The following RAB28 variants were observed in gnomAD, a reference collection of about 807,000 sequenced individuals.
RAB28 encodes RAB28, member RAS oncogene family, also known as ras-related protein Rab-28.
Under a neutral mutation model 31.7 loss-of-function variants are expected in RAB28, and 24 were observed. The observed-to-expected ratio is 0.76, with a 90% confidence interval of 0.55 to 1.06. The LOEUF is 1.06. Ranked by LOEUF, RAB28 falls within the 50% of genes least tolerant of loss-of-function variation. The probability of loss-of-function intolerance (pLI) is 0.00; values close to 1 mark genes in which losing one functional copy is unlikely to be tolerated. For missense variants in RAB28, 254 were observed against 258.5 expected, an observed-to-expected ratio of 0.98 and a Z score of 0.12; for synonymous variants, 100 against 90.4, an observed-to-expected ratio of 1.11 and a Z score of -0.60.
chr4:13,462,329 C>T (rs993851408), intron 3 of RAB28, among the ~76,000 whole-genome samples: 9 of 152,158 alleles, frequency 5.9e-5, no homozygotes, highest in African/African-American at 2.2e-4. Flanking sequence ...CATTATAAAA[C>T]ATTTCCACCA....
chr4:13,450,575 G>C (rs1714915672), intron 4 of RAB28, among the ~76,000 whole-genome samples: 1 of 151,876 alleles, frequency 6.6e-6, no homozygotes, highest in Non-Finnish European at 1.5e-5. Context: ...ATTAGTTAAA[G>C]CACTGTTGTA....
At chr4:13,371,766 A>G in intron 6 of RAB28, 1 of 1,547,026 alleles carries the variant, frequency 6.5e-7, no homozygotes, top group Non-Finnish European at 8.7e-7. Context: ...TGATGTTTTT[A>G]GAGAAAATGT....
At chr4:13,483,917 G>A (rs1716739910) in intron 1 of RAB28, among the ~76,000 whole-genome samples, 159 bp downstream of exon 1, 1 of 152,170 alleles carries the variant, frequency 6.6e-6, no homozygotes, top group South Asian at 2.1e-4. Context: ...TTCACCAAGC[G>A]CCCACTTCGT....
At chr4:13,416,535 GA>G (rs1227768041) in intron 4 of RAB28, among the ~76,000 whole-genome samples, 1 of 152,148 alleles carries the variant, frequency 6.6e-6, no homozygotes, top group Non-Finnish European at 1.5e-5. Flanking sequence ...TAAGAGAATA[GA>G]AATACAGAGA....
At chr4:13,411,034 A>G (rs1459655297) in intron 4 of RAB28, among the ~76,000 whole-genome samples, 3 of 152,154 alleles carry the variant, frequency 2.0e-5, no homozygotes, top group Non-Finnish European at 4.4e-5. Context: ...AAAAGATCCA[A>G]ACAACATGAT....
intron 3 of RAB28, among the ~76,000 whole-genome samples, chr4:13,472,647 T>C (rs1238134930): frequency 6.6e-6 from 1 of 151,912 alleles, no homozygotes; most frequent in African/African-American, 2.4e-5. Context: ...TTAGATCTAA[T>C]CTTCATTTTC....
intron 4 of RAB28, among the ~76,000 whole-genome samples, chr4:13,451,115 G>A (rs1300264178): frequency 1.3e-5 from 2 of 151,770 alleles, no homozygotes; most frequent in African/African-American, 2.4e-5. Context: ...AGAAGCTACT[G>A]TTGTAGTTTA....
chr4:13,385,274 A>G (rs1236234978), intron 4 of RAB28, among the ~76,000 whole-genome samples: 3 of 152,328 alleles, frequency 2.0e-5, no homozygotes, highest in Middle Eastern at 3.4e-3. Context: ...ATTGGAACAC[A>G]TATTTCAAGA....
intron 3 of RAB28, chr4:13,473,862 A>G (rs1403011949): frequency 2.7e-6 from 1 of 368,752 alleles, no homozygotes; most frequent in Non-Finnish European, 5.3e-6. Flanking sequence ...AAATACAGAC[A>G]TGTCTATTAA....
At chr4:13,473,790 TATC>T (rs34962392) in intron 3 of RAB28, 63,625 of 349,824 alleles carry the variant, frequency 0.18, 6,935 homozygotes, top group Non-Finnish European at 0.23. Context: ...AATACAGCAT[TATC>T]ATAGTAAATT....
intron 3 of RAB28, among the ~76,000 whole-genome samples, chr4:13,465,100 C>CT (rs1321706188): frequency 6.6e-6 from 1 of 151,750 alleles, no homozygotes; most frequent in African/African-American, 2.4e-5. Flanking sequence ...ACTTCTACAA[C>CT]TGAAATGCAA....
intron 1 of RAB28, among the ~76,000 whole-genome samples, chr4:13,481,250 G>C (rs1007867957): frequency 6.6e-6 from 1 of 151,932 alleles, no homozygotes; most frequent in Non-Finnish European, 1.5e-5. Context: ...AACTGGAATC[G>C]AGTGTAAACT....
chr4:13,459,824 T>C, intron 4 of RAB28: 1 of 1,258,886 alleles, frequency 7.9e-7, no homozygotes, highest in Non-Finnish European at 1.0e-6. Context: ...TTCAATGAAA[T>C]GCATCGCTCA....
chr4:13,410,680 A>T (rs1327792685), intron 4 of RAB28, among the ~76,000 whole-genome samples: 2 of 152,172 alleles, frequency 1.3e-5, no homozygotes, highest in Non-Finnish European at 2.9e-5. Flanking sequence ...CAATAAAGAA[A>T]ATAAAGAACA....
In RAB28 at chr4:13,484,254, C is replaced by G; in HGVS notation, c.-104G>C. On this transcript the variant is annotated 5_prime_UTR_variant, in exon 1 of 7. Transcript: ENST00000330852. Reference sequence around the variant, plus strand: ...GGAAGGGAGGTAGTTGCGGCAGGACCCCCGCCCCGGTGTCTCCGCGCCGGC... The same window carrying G: ...GGAAGGGAGGTAGTTGCGGCAGGACGCCCGCCCCGGTGTCTCCGCGCCGGC... 2.3e-6 allele frequency: 2 copies of G among 881,170 alleles called. No homozygotes were observed. The highest frequency in any genetic ancestry group is 3.7e-6 in the Non-Finnish European group (2 of 544,860). The allele number at this position is 881,170 out of a possible 1,614,324, so 54.6% of individuals were successfully genotyped here.
intron 4 of RAB28, among the ~76,000 whole-genome samples, chr4:13,390,684 A>C (rs1231632681): frequency 6.6e-6 from 1 of 152,148 alleles, no homozygotes; most frequent in Non-Finnish European, 1.5e-5. Context: ...CCAAAACAAC[A>C]TGGTACTACT....
At chr4:13,426,067 T>C (rs1399877034) in intron 4 of RAB28, among the ~76,000 whole-genome samples, 3 of 152,196 alleles carry the variant, frequency 2.0e-5, no homozygotes, top group South Asian at 4.1e-4. Context: ...TATGGCTGTA[T>C]TACCATCAAA....
intron 4 of RAB28, among the ~76,000 whole-genome samples, chr4:13,387,132 G>A (rs1310024259): frequency 1.3e-5 from 2 of 151,868 alleles, no homozygotes; most frequent in Non-Finnish European, 2.9e-5. Context: ...TCAGGAAAAA[G>A]AACTAATAGG....
At chr4:13,415,091 G>C (rs1222643370) in intron 4 of RAB28, among the ~76,000 whole-genome samples, 2 of 152,190 alleles carry the variant, frequency 1.3e-5, no homozygotes, top group Non-Finnish European at 2.9e-5. Context: ...TAAGCTATAG[G>C]TAAGGAAGAA....
Sources: allele counts gnomAD v4.1 joint callset (sites outside exome capture counted in the v4.1 genomes callset), GRCh38; gene constraint gnomAD v4.1.1; transcripts MANE v1.5; gene names NCBI Gene and HGNC (gene_info 2026-07-23, HGNC 2026-07-21).